The following ACYP2 variants were observed in gnomAD, a reference collection of about 807,000 sequenced individuals.
ACYP2 encodes the protein acylphosphatase-2.
A neutral mutation model predicts 11.2 loss-of-function variants in ACYP2; 12 were observed. The ratio of observed to expected loss-of-function variants is 1.08; its 90% CI spans 0.69 to 1.74. The LOEUF (loss-of-function observed/expected upper bound fraction) is 1.74, where lower values mean the gene tolerates loss of function less well. Among genes scored for constraint, ACYP2 ranks in the 40% most tolerant of loss-of-function variants. ACYP2 has a pLI of 0.00. For missense variants in ACYP2, 134 were observed against 101.9 expected, an observed-to-expected ratio of 1.31 and a Z score of -1.35; for synonymous variants, 43 against 32.2, an observed-to-expected ratio of 1.33 and a Z score of -1.13.
At chr2:54,035,639 A>G (rs753609246) in intron 2 of ACYP2, among the ~76,000 whole-genome samples, 4 of 152,204 alleles carry the variant, frequency 2.6e-5, no homozygotes, top group Admixed American at 6.5e-5. Flanking sequence ...AACCATCTAC[A>G]TGATCACAGT....
At chr2:54,248,965 C>G (rs1466256854) in intron 6 of ACYP2, among the ~76,000 whole-genome samples, 1 of 151,924 alleles carries the variant, frequency 6.6e-6, no homozygotes, top group Admixed American at 6.6e-5. Context: ...ACATCATGAG[C>G]AAAGGCACAG....
intron 6 of ACYP2, among the ~76,000 whole-genome samples, chr2:54,190,269 A>G (rs1356815249): frequency 6.6e-6 from 1 of 151,938 alleles, no homozygotes; most frequent in African/African-American, 2.4e-5. Context: ...TGTGATATCC[A>G]GTCTCATCCT....
rs554979415 is a variant in ACYP2 at position 54,282,360 on chromosome 2, A to G, written c.405-22328A>G. Among the ~76,000 whole-genome samples, 8 of 152,176 alleles carry G rather than the reference A, an allele frequency of 5.3e-5. No homozygotes were observed. The East Asian group carries it at 1.5e-3, about 29-fold the overall frequency. ...CTTTAACATTTTCAGACAATTTCCAACCTCTCATCCACTCCTCTTTTGTGT... is the reference window on the plus strand; with the variant it reads ...CTTTAACATTTTCAGACAATTTCCAGCCTCTCATCCACTCCTCTTTTGTGT... On this transcript the variant is annotated intron_variant, in intron 6 of 6. Transcript: ENST00000607452.
rs118011414 is a variant in ACYP2 at position 54,121,480 on chromosome 2, C to T, written c.278-13973C>T. Among the ~76,000 whole-genome samples the T allele has an allele frequency of 8.9e-4, 136 of 152,312 alleles. 2 individuals carry two copies. In the East Asian group the frequency reaches 0.024, roughly 27 times the overall value. On this transcript the variant is annotated intron_variant, in intron 4 of 6. Coordinates refer to ENST00000607452, the MANE Select transcript of ACYP2 (RefSeq NM_001320586.2). ...TACCGAGGAATTTGTCTGTTTCCTA[C>T]TGCTATAACTGAGATGAATACCATA...
At chr2:54,107,996 G>T (rs1001523046) in intron 4 of ACYP2, among the ~76,000 whole-genome samples, 15 of 152,144 alleles carry the variant, frequency 9.9e-5, no homozygotes, top group African/African-American at 3.4e-4. Context: ...CATCCAAAAA[G>T]CTGCCACTCC....
intron 2 of ACYP2, among the ~76,000 whole-genome samples, chr2:54,000,476 G>A (rs1300916006): frequency 2.0e-5 from 3 of 152,120 alleles, no homozygotes; most frequent in East Asian, 3.8e-4. Flanking sequence ...TTCTAAGGGG[G>A]AAGCTTTTCC....
chr2:54,142,017 TTTGTTGTTGTTGTTG>T (rs10611682), intron 6 of ACYP2: 4 of 400,010 alleles, frequency 1.0e-5, no homozygotes, highest in Non-Finnish European at 1.8e-5. Flanking sequence ...GTGTGTATAT[TTTGTTGTTGTTGTTG>T]TTGTTGTTGT....
chr2:54,257,704 T>G (rs1440094031), intron 6 of ACYP2, among the ~76,000 whole-genome samples: 1 of 152,142 alleles, frequency 6.6e-6, no homozygotes, highest in African/African-American at 2.4e-5. Context: ...GAGAGAAAAT[T>G]ATAGTCACAT....
chr2:54,245,980 T>C (rs994361408), intron 6 of ACYP2, among the ~76,000 whole-genome samples: 1 of 152,194 alleles, frequency 6.6e-6, no homozygotes, highest in African/African-American at 2.4e-5. Context: ...AGGAGTTTTA[T>C]AGTTTTAGGT....
chr2:54,136,172 T>A (rs1200714371), intron 5 of ACYP2, among the ~76,000 whole-genome samples: 2 of 152,146 alleles, frequency 1.3e-5, no homozygotes, highest in African/African-American at 4.8e-5. Context: ...GTGCTGGAAT[T>A]ACAGGTGTGA....
At chr2:54,225,157 C>T (rs1330781370) in intron 6 of ACYP2, among the ~76,000 whole-genome samples, 1 of 152,172 alleles carries the variant, frequency 6.6e-6, no homozygotes, top group Non-Finnish European at 1.5e-5. Flanking sequence ...TAGGGATACA[C>T]ACCATGACAA....
chr2:54,054,163 GTT>G (rs1676004792), intron 3 of ACYP2, among the ~76,000 whole-genome samples: 1 of 152,194 alleles, frequency 6.6e-6, no homozygotes, highest in Non-Finnish European at 1.5e-5. Flanking sequence ...GCTGGTAAGG[GTT>G]TAAGACGTTT....
intron 6 of ACYP2, among the ~76,000 whole-genome samples, chr2:54,149,298 G>A (rs1682038621): frequency 1.3e-5 from 2 of 152,190 alleles, no homozygotes; most frequent in Admixed American, 6.5e-5. Context: ...GATTATAGCA[G>A]CCCTGCTCTG....
chr2:54,259,767 C>T (rs1028364173), intron 6 of ACYP2, among the ~76,000 whole-genome samples: 24 of 152,028 alleles, frequency 1.6e-4, no homozygotes, highest in African/African-American at 2.4e-4. Context: ...GGGATCATGA[C>T]AAGAGTAGTC....
chr2:54,122,100 C>A (rs1680191651), intron 4 of ACYP2, among the ~76,000 whole-genome samples: 1 of 152,180 alleles, frequency 6.6e-6, no homozygotes. Context: ...TATTTACAGT[C>A]ATTAAGGGCT....
At chr2:54,227,176 G>A (rs1382111526) in intron 6 of ACYP2, among the ~76,000 whole-genome samples, 1 of 152,146 alleles carries the variant, frequency 6.6e-6, no homozygotes, top group Non-Finnish European at 1.5e-5. Context: ...ACCTGTGTAT[G>A]TTCAGAAAAT....
At chr2:54,289,440 C>A (rs1214638170) in intron 6 of ACYP2, among the ~76,000 whole-genome samples, 2 of 151,906 alleles carry the variant, frequency 1.3e-5, no homozygotes, top group East Asian at 1.9e-4. Flanking sequence ...GCAGAAACAC[C>A]TTTATTGGGA....
At chr2:54,114,436 C>A (rs1160911453) in intron 4 of ACYP2, among the ~76,000 whole-genome samples, 1 of 149,780 alleles carries the variant, frequency 6.7e-6, no homozygotes, top group Non-Finnish European at 1.5e-5. Flanking sequence ...GTAATCCCAG[C>A]ACTTTGGGAG....
chr2:54,134,792 G>T (rs1681125349), intron 4 of ACYP2, among the ~76,000 whole-genome samples: 1 of 152,234 alleles, frequency 6.6e-6, no homozygotes, highest in Non-Finnish European at 1.5e-5. Context: ...GAACCCCAGT[G>T]TATGCCTGAA....
Sources: allele counts gnomAD v4.1 joint callset (sites outside exome capture counted in the v4.1 genomes callset), GRCh38; gene constraint gnomAD v4.1.1; transcripts MANE v1.5; gene names NCBI Gene and HGNC (gene_info 2026-07-23, HGNC 2026-07-21).